NEIL1: variants seen among roughly 807,000 people sequenced by gnomAD.
NEIL1 encodes the protein endonuclease 8-like 1.
NEIL1 carries 31 observed loss-of-function variants against 44.2 expected under a neutral mutation model. The ratio of observed to expected loss-of-function variants is 0.70; its 90% CI spans 0.53 to 0.95. NEIL1 has a LOEUF of 0.95. Among genes scored for constraint, NEIL1 ranks in the 40% least tolerant of loss-of-function variants. NEIL1 has a pLI of 0.00. For synonymous variants in NEIL1, 254 were observed against 209.7 expected, an observed-to-expected ratio of 1.21 and a Z score of -1.83; for missense variants, 549 against 515.5, an observed-to-expected ratio of 1.07 and a Z score of -0.63.
At position 75,356,791 on chromosome 15, in the gene NEIL1, A is replaced by T. The variant is rs1353873205; in HGVS notation, c.*1757A>T. Reference sequence around the variant, plus strand: ...CCCAGGCCTGGTGGGTACCCCACTTACAGCGAGAGGCTGAGGATGCTGCCT... The same window carrying T: ...CCCAGGCCTGGTGGGTACCCCACTTTCAGCGAGAGGCTGAGGATGCTGCCT... On this transcript the variant is annotated 3_prime_UTR_variant, in exon 10 of 10. Coordinates refer to ENST00000355059, the MANE Select transcript of NEIL1 (RefSeq NM_024608.4). The surrounding 1 kb of genome is among the most constrained non-coding windows in gnomAD (Gnocchi z 5.8). The T allele has an allele frequency of 6.2e-7, 1 of 1,613,886 alleles. No individual in the cohort carries two copies. The highest frequency in any genetic ancestry group is 1.3e-5 in the African/African-American group (1 of 74,942).
Position 75,356,774 on chromosome 15 carries a change from T to C in NEIL1, c.*1740T>C, listed in dbSNP as rs117058294. 8,561 of 1,613,832 alleles carry C rather than the reference T, an allele frequency of 5.3e-3. 255 individuals are homozygous for C. The East Asian group carries it at 0.093, about 18-fold the overall frequency. On this transcript the variant is annotated 3_prime_UTR_variant, in exon 10 of 10. Transcript: ENST00000355059. The surrounding 1 kb of genome is among the most constrained non-coding windows in gnomAD (Gnocchi z 5.8). Reference sequence around the variant, plus strand: ...ATTTCTCCATGCCAGCTCCCAGGCCTGGTGGGTACCCCACTTACAGCGAGA... The same window carrying C: ...ATTTCTCCATGCCAGCTCCCAGGCCCGGTGGGTACCCCACTTACAGCGAGA...
At chr15:75,349,411 C>A in intron 2 of NEIL1, 72 bp downstream of exon 2, 1 of 1,419,516 alleles carries the variant, frequency 7.0e-7, no homozygotes, top group Non-Finnish European at 9.5e-7. Context: ...CCTTCTTGGC[C>A]AACAAGGGGC....
chr15:75,354,631 G>C (rs563017668), intron 8 of NEIL1, 22 bp from the exon 9 acceptor site: 3 of 1,613,996 alleles, frequency 1.9e-6, no homozygotes, highest in Admixed American at 1.7e-5. Context: ...GCCCCTCAGG[G>C]ACCCGTGTCT....
At position 75,356,302 on chromosome 15, in the gene NEIL1, T is replaced by A. The variant is rs1381667292; in HGVS notation, c.*1268T>A. On this transcript the variant is annotated 3_prime_UTR_variant, in exon 10 of 10. Coordinates refer to ENST00000355059, the MANE Select transcript of NEIL1 (RefSeq NM_024608.4). This position sits in a 1 kb window ranked among gnomAD's most constrained non-coding sequence, Gnocchi z 5.8. ...TCCCCAGCACGTCCCACCCCTTGCC[T>A]GCTTGACGGTCTCCAATACGACCGC... The A allele has an allele frequency of 6.2e-7, 1 of 1,610,450 alleles. No homozygotes were observed. Among genetic ancestry groups the A allele is most frequent in the Non-Finnish European group, 8.5e-7 (1 of 1,179,018 alleles).
chr15:75,347,857 C>T (rs1052714306), intron 1 of NEIL1: 1 of 1,191,886 alleles, frequency 8.4e-7, no homozygotes, highest in African/African-American at 1.6e-5. Flanking sequence ...CACGTTCTCC[C>T]GCAAAACGAG....
rs1223084723 is a variant in NEIL1, at chr15:75,349,006, G to A, written c.101G>A (p.Arg34His). Reference protein sequence around the residue: ...GGCVEKSSVSRNPEVPFESSA... With the variant: ...GGCVEKSSVSHNPEVPFESSA... ...TGCGTGGAGAAGTCCTCTGTCAGCC[G>A]CAACCCTGAGGTGCCCTTTGAGAGC... is the stretch of plus-strand genomic sequence containing the variant. Residue 34 changes from arginine to histidine, a missense_variant, in exon 2 of 10, where the codon CGC becomes CAC. Physicochemically the swap from Arg to His is conservative, Grantham distance 29 (BLOSUM62 0). Transcript: ENST00000355059. 2 of 1,613,630 alleles carry A rather than the reference G, an allele frequency of 1.2e-6. No individual in the cohort carries two copies. Among genetic ancestry groups the A allele is most frequent in the Admixed American group, 1.7e-5 (1 of 60,034 alleles).
chr15:75,352,743 T>C (rs1274797481), intron 5 of NEIL1, 42 bp downstream of exon 5: 3 of 1,503,094 alleles, frequency 2.0e-6, no homozygotes, highest in African/African-American at 1.4e-5. Flanking sequence ...CAGCAAATGA[T>C]TGTGTAACCC....
At position 75,355,929 on chromosome 15, in the gene NEIL1, C is replaced by T. The variant is rs767342082; in HGVS notation, c.*895C>T. On this transcript the variant is annotated 3_prime_UTR_variant, in exon 10 of 10. Transcript: ENST00000355059. ...ACTCAGTGTGGCGGAGGCTGAAGCA[C>T]GAGCAACAGGGACAGCACTTGGAAG... The T allele has an allele frequency of 2.8e-5, 45 of 1,614,178 alleles. No homozygotes were observed. The highest frequency in any genetic ancestry group is 3.7e-5 in the Non-Finnish European group (44 of 1,180,036).
At chr15:75,351,243 AAC>A (rs1468909300) in intron 2 of NEIL1, 2 of 450,732 alleles carry the variant, frequency 4.4e-6, no homozygotes, top group Non-Finnish European at 8.8e-6. Flanking sequence ...TGAGGTGATA[AAC>A]ACACAACCTC....
At chr15:75,352,516 C>G (rs1358012580) in intron 4 of NEIL1, 86 bp from the exon 5 acceptor site, 2 of 1,546,592 alleles carry the variant, frequency 1.3e-6, no homozygotes, top group African/African-American at 2.7e-5. Context: ...ATGAACTGCC[C>G]AAAGTCTGAC....
Position 75,352,312 on chromosome 15 carries a change from C to T in NEIL1, c.555-12C>T. ...CCACTGCCTAGCATGGCTTGCCTTG[C>T]CCCCACTACAGGCTGAAGATCCCCC... On this transcript the variant is annotated splice_polypyrimidine_tract_variant and intron_variant, in intron 3 of 9. Transcript: ENST00000355059. 1 of 1,614,058 alleles carries T rather than the reference C, an allele frequency of 6.2e-7. No individual in the cohort carries two copies. The highest frequency in any genetic ancestry group is 8.5e-7 in the Non-Finnish European group (1 of 1,179,980).
chr15:75,353,738 G>T lies in NEIL1; in HGVS notation c.719-1G>T, dbSNP rs542838199. Reference sequence around the variant, plus strand: ...TCTCTGCCTGTTCCTCTGTCCCACAGGGGGCAAAGGCTACGGGTCAGAGAG... The same window carrying T: ...TCTCTGCCTGTTCCTCTGTCCCACATGGGGCAAAGGCTACGGGTCAGAGAG... On this transcript the variant is annotated splice_acceptor_variant, in intron 5 of 9. Coordinates refer to ENST00000355059, the MANE Select transcript of NEIL1 (RefSeq NM_024608.4). LOFTEE classifies it high-confidence loss of function. The T allele has an allele frequency of 1.2e-6, 2 of 1,613,980 alleles. No homozygotes were observed. Among genetic ancestry groups the T allele is most frequent in the South Asian group, 1.1e-5 (1 of 91,068 alleles).
chr15:75,356,096 A>C lies in NEIL1; in HGVS notation c.*1062A>C, dbSNP rs1443174204. On this transcript the variant is annotated 3_prime_UTR_variant, in exon 10 of 10. Coordinates refer to ENST00000355059, the MANE Select transcript of NEIL1 (RefSeq NM_024608.4). The surrounding 1 kb of genome is among the most constrained non-coding windows in gnomAD (Gnocchi z 5.8). ...GAGACTCGACCCCCGCCCCAATCCC[A>C]CACCGCCACTCACAGGATGGCCTCC... The C allele has an allele frequency of 1.9e-6, 3 of 1,613,664 alleles. No homozygotes were observed. The Middle Eastern group carries it at 4.9e-4, about 266-fold the overall frequency.
At position 75,357,048 on chromosome 15, in the gene NEIL1, C is replaced by T. The variant is rs1567271163; in HGVS notation, c.*2014C>T. ...CCCACTGTACGGGGCCCTGGGCATGCCACCCAACCTGCCTAAGCCTCAGTT... is the reference window on the plus strand; with the variant it reads ...CCCACTGTACGGGGCCCTGGGCATGTCACCCAACCTGCCTAAGCCTCAGTT... On this transcript the variant is annotated 3_prime_UTR_variant, in exon 10 of 10. Transcript: ENST00000355059. The T allele has an allele frequency of 1.6e-6, 1 of 630,332 alleles. No homozygotes were observed. Among genetic ancestry groups the T allele is most frequent in the Non-Finnish European group, 2.8e-6 (1 of 356,286 alleles). The allele number at this position is 630,332 out of a possible 1,614,324, so 39.0% of individuals were successfully genotyped here. A position where few individuals can be genotyped will look rare whatever the true frequency, so the allele number is the denominator to read the frequency against.
At chr15:75,354,548 C>T (rs1422869483) in intron 8 of NEIL1, 56 bp downstream of exon 8, 5 of 1,612,174 alleles carry the variant, frequency 3.1e-6, no homozygotes, top group Non-Finnish European at 4.2e-6. Flanking sequence ...GGCTGCCCCT[C>T]CCAGGCAGCT....
intron 6 of NEIL1, 152 bp downstream of exon 6, chr15:75,354,018 C>A: frequency 8.6e-7 from 1 of 1,162,124 alleles, no homozygotes; most frequent in Non-Finnish European, 1.2e-6. Context: ...CCCTCCCATG[C>A]GTCCCAGGGT....
chr15:75,355,088 T>G lies in NEIL1; in HGVS notation c.*54T>G. On this transcript the variant is annotated 3_prime_UTR_variant, in exon 10 of 10. Transcript: ENST00000355059. ...CTTTCTTATTGTCTTGCCCTGCATC[T>G]GGGGGTCTGAATTTTTGGGAGCAGG... The G allele has an allele frequency of 6.5e-7, 1 of 1,540,924 alleles. No homozygotes were observed. Among genetic ancestry groups the G allele is most frequent in the East Asian group, 2.3e-5 (1 of 43,174 alleles).
At position 75,356,909 on chromosome 15, in the gene NEIL1, G is replaced by A. The variant is rs1336901139; in HGVS notation, c.*1875G>A. On this transcript the variant is annotated 3_prime_UTR_variant, in exon 10 of 10. Coordinates refer to ENST00000355059, the MANE Select transcript of NEIL1 (RefSeq NM_024608.4). This position sits in a 1 kb window ranked among gnomAD's most constrained non-coding sequence, Gnocchi z 5.8. ...TCCAGCGATGGGCCCACACCTGGAG[G>A]GCAGATCCAAGACCCACTTGGTGGC... The A allele has an allele frequency of 3.1e-6, 5 of 1,612,892 alleles. No homozygotes were observed. The highest frequency in any genetic ancestry group is 2.2e-5 in the South Asian group (2 of 91,060).
In NEIL1 at chr15:75,356,857, G is replaced by A. The variant is rs958925878; in HGVS notation, c.*1823G>A. ...TACTTGCAGTCGTTGAGCAGGGCCA[G>A]CCCAAAGCCGTGTTCTGACAGATCC... On this transcript the variant is annotated 3_prime_UTR_variant, in exon 10 of 10. Coordinates refer to ENST00000355059, the MANE Select transcript of NEIL1 (RefSeq NM_024608.4). This position sits in a 1 kb window ranked among gnomAD's most constrained non-coding sequence, Gnocchi z 5.8. 3.7e-6 allele frequency: 6 copies of A among 1,614,032 alleles called. No individual in the cohort carries two copies. Among genetic ancestry groups the A allele is most frequent in the Non-Finnish European group, 3.4e-6 (4 of 1,180,058 alleles).
Sources: gnomAD v4.1 joint callset for allele counts on GRCh38, gnomAD v4.1.1 for gene constraint, Gnocchi (gnomAD v3.1) non-coding constraint, MANE v1.5 for transcripts, NCBI Gene and HGNC (gene_info 2026-07-23, HGNC 2026-07-21) for gene names.